CNTN4: variants seen among roughly 807,000 people sequenced by gnomAD.
CNTN4 encodes the protein contactin 4, also known as contactin-4.
A neutral mutation model predicts 122.5 loss-of-function variants in CNTN4; 77 were observed. That is an observed-to-expected ratio of 0.63 (90% CI 0.52 to 0.76). The LOEUF (loss-of-function observed/expected upper bound fraction) is 0.76, where lower values mean the gene tolerates loss of function less well. Among genes scored for constraint, CNTN4 ranks in the 30% least tolerant of loss-of-function variants. The pLI, the probability that CNTN4 is intolerant of heterozygous loss-of-function variation, is 0.00. For synonymous variants in CNTN4, 512 were observed against 447.0 expected (o/e 1.15, Z -1.83); for missense variants, 1,256 against 1,259.1 (o/e 1.00, Z 0.04).
chr3:2,503,209 G>T (rs2076642093), intron 3 of CNTN4, among the ~76,000 whole-genome samples: 1 of 152,124 alleles, frequency 6.6e-6, no homozygotes, highest in Non-Finnish European at 1.5e-5. Context: ...GAGAGAATGG[G>T]TTCAGGATGT....
In CNTN4 at chr3:2,573,874, T is replaced by C. The variant is rs564675067; in HGVS notation, c.55+2316T>C. Among the ~76,000 whole-genome samples the C allele has an allele frequency of 9.2e-5, 14 of 152,332 alleles. No homozygotes were observed. In the East Asian group the frequency reaches 2.7e-3, roughly 29 times the overall value. ...TGTTTTTGTTTTCTTGCTATTTGTC[T>C]TGATTTCATTAATTTACATAGCACT... is the stretch of plus-strand genomic sequence containing the variant. On this transcript the variant is annotated intron_variant, in intron 4 of 24. Coordinates refer to ENST00000418658, the MANE Select transcript of CNTN4 (RefSeq NM_175607.3).
intron 9 of CNTN4, among the ~76,000 whole-genome samples, chr3:2,884,323 C>T (rs1042071404): frequency 2.0e-5 from 3 of 152,058 alleles, no homozygotes; most frequent in African/African-American, 7.2e-5. Context: ...GAAGAGGTTC[C>T]TTTTTCCATT....
At chr3:2,669,033 T>G (rs1457231823) in intron 4 of CNTN4, among the ~76,000 whole-genome samples, 5 of 152,142 alleles carry the variant, frequency 3.3e-5, no homozygotes, top group East Asian at 3.9e-4. Context: ...GTTCATCAGG[T>G]ATATTGGTCT....
chr3:2,405,549 C>T (rs1346675529), intron 3 of CNTN4, among the ~76,000 whole-genome samples: 2 of 151,670 alleles, frequency 1.3e-5, no homozygotes, highest in African/African-American at 2.4e-5. Flanking sequence ...TTTATTTAAC[C>T]CATAGAATAA....
chr3:2,929,075 G>A (rs1402288206), intron 13 of CNTN4, among the ~76,000 whole-genome samples: 11 of 152,146 alleles, frequency 7.2e-5, no homozygotes, highest in African/African-American at 2.4e-4. Context: ...TAATTTCATA[G>A]CATTCTTCTT....
At chr3:2,791,779 C>T (rs573511147) in intron 6 of CNTN4, among the ~76,000 whole-genome samples, 1 of 152,316 alleles carries the variant, frequency 6.6e-6, no homozygotes, top group African/African-American at 2.4e-5. Context: ...AGGGAAGAAT[C>T]TTTGCGTCTT....
At chr3:2,947,740 C>G (rs73001323) in intron 13 of CNTN4, among the ~76,000 whole-genome samples, 6,514 of 152,300 alleles carry the variant, frequency 0.043, 222 homozygotes, top group East Asian at 0.18. Flanking sequence ...AGCCAGATCC[C>G]TATCTCTTCC....
At chr3:2,973,221 C>T (rs17023882) in intron 13 of CNTN4, among the ~76,000 whole-genome samples, 4,666 of 152,002 alleles carry the variant, frequency 0.031, 174 homozygotes, top group African/African-American at 0.079. Context: ...GGACTTGAGT[C>T]GATCATGGAA....
intron 4 of CNTN4, among the ~76,000 whole-genome samples, chr3:2,637,160 T>C (rs2082697246): frequency 6.6e-6 from 1 of 152,056 alleles, no homozygotes. Context: ...CAGGCTGTTC[T>C]TGAGCTCCTG....
At chr3:2,416,611 G>T (rs1383803256) in intron 3 of CNTN4, among the ~76,000 whole-genome samples, 1 of 152,104 alleles carries the variant, frequency 6.6e-6, no homozygotes, top group Non-Finnish European at 1.5e-5. Context: ...TGAAAATCGT[G>T]TATGACTTGT....
chr3:2,578,043 A>G (rs182010548), intron 4 of CNTN4, among the ~76,000 whole-genome samples: 47 of 152,326 alleles, frequency 3.1e-4, no homozygotes, highest in Middle Eastern at 3.4e-3. Flanking sequence ...AATTCACAGG[A>G]GACATATTCT....
At chr3:2,885,095 G>A (rs903355143) in intron 9 of CNTN4, among the ~76,000 whole-genome samples, 1 of 152,144 alleles carries the variant, frequency 6.6e-6, no homozygotes, top group Admixed American at 6.5e-5. Context: ...AGAGTTGATG[G>A]CTTTAATGTT....
At chr3:2,668,739 T>C (rs1293663160) in intron 4 of CNTN4, among the ~76,000 whole-genome samples, 3 of 152,186 alleles carry the variant, frequency 2.0e-5, no homozygotes, top group Non-Finnish European at 2.9e-5. Context: ...TTGTCATAGA[T>C]AGTTCTTATT....
chr3:2,630,701 A>AGT (rs10689131), intron 4 of CNTN4, among the ~76,000 whole-genome samples: 41,166 of 137,158 alleles, frequency 0.3, 5,810 homozygotes, highest in East Asian at 0.48. Flanking sequence ...TTATTAAGGG[A>AGT]GTGTGTGTGT....
chr3:3,001,421 T>A (rs1390787823), intron 14 of CNTN4, among the ~76,000 whole-genome samples: 1 of 152,228 alleles, frequency 6.6e-6, no homozygotes, highest in Non-Finnish European at 1.5e-5. Flanking sequence ...GACAGGCATG[T>A]TAGGAAACAT....
intron 4 of CNTN4, among the ~76,000 whole-genome samples, chr3:2,631,093 C>T (rs1446738826): frequency 2.6e-5 from 4 of 152,146 alleles, no homozygotes; most frequent in African/African-American, 7.2e-5. Flanking sequence ...ACAATGTTTT[C>T]TAAGAGCAAT....
intron 13 of CNTN4, among the ~76,000 whole-genome samples, chr3:2,929,598 A>C (rs2094502504): frequency 6.6e-6 from 1 of 152,172 alleles, no homozygotes; most frequent in Admixed American, 6.5e-5. Flanking sequence ...AGGTGCTCAC[A>C]CAGTATCATC....
intron 2 of CNTN4, among the ~76,000 whole-genome samples, chr3:2,233,008 G>A (rs1162030885): frequency 6.6e-6 from 1 of 152,160 alleles, no homozygotes; most frequent in Non-Finnish European, 1.5e-5. Context: ...ACTTCTGATA[G>A]AAATCTGAGT....
chr3:3,013,321 A>G (rs75315375), intron 14 of CNTN4, among the ~76,000 whole-genome samples: 2,744 of 152,238 alleles, frequency 0.018, 78 homozygotes, highest in African/African-American at 0.063. Context: ...TAGACACTAA[A>G]TTGAGTGTTT....
Sources: allele counts gnomAD v4.1 joint callset (sites outside exome capture counted in the v4.1 genomes callset), GRCh38; gene constraint gnomAD v4.1.1; transcripts MANE v1.5; gene names NCBI Gene and HGNC (gene_info 2026-07-23, HGNC 2026-07-21).